ITGB8: variants seen among roughly 807,000 people sequenced by gnomAD.
ITGB8 encodes integrin subunit beta 8.
A neutral mutation model predicts 89.5 loss-of-function variants in ITGB8; 30 were observed. That is an observed-to-expected ratio of 0.34 (90% CI 0.25 to 0.45). ITGB8 has a LOEUF of 0.45. Among genes scored for constraint, ITGB8 ranks in the 20% least tolerant of loss-of-function variants. ITGB8 has a pLI of 1.00. For missense variants in ITGB8, 836 were observed against 933.3 expected, an observed-to-expected ratio of 0.90 and a Z score of 1.36; for synonymous variants, 335 against 320.4, an observed-to-expected ratio of 1.05 and a Z score of -0.49.
At chr7:20,375,912 G>C (rs1476358121) in intron 3 of ITGB8, among the ~76,000 whole-genome samples, 1 of 152,134 alleles carries the variant, frequency 6.6e-6, no homozygotes, top group African/African-American at 2.4e-5. Flanking sequence ...AACATGGCTT[G>C]TGCAAAATTA....
chr7:20,362,484 C>T (rs894902031), intron 1 of ITGB8, among the ~76,000 whole-genome samples: 2 of 152,142 alleles, frequency 1.3e-5, no homozygotes, highest in African/African-American at 4.8e-5. Flanking sequence ...GGGAGCAATC[C>T]TTAAATATGC....
intron 1 of ITGB8, among the ~76,000 whole-genome samples, chr7:20,341,319 A>G (rs2128127341): frequency 6.6e-6 from 1 of 152,312 alleles, no homozygotes; most frequent in Middle Eastern, 3.4e-3. Flanking sequence ...GGCAACACTG[A>G]GAAAAAAAAG....
intron 10 of ITGB8, among the ~76,000 whole-genome samples, chr7:20,403,296 G>C (rs943327016): frequency 1.4e-4 from 21 of 152,302 alleles, no homozygotes; most frequent in African/African-American, 5.1e-4. Flanking sequence ...TTACAGTGAA[G>C]AGAAAGAATT....
At chr7:20,366,203 C>T (rs1785689167) in intron 2 of ITGB8, 1 of 152,164 alleles carries the variant, frequency 6.6e-6, no homozygotes, top group African/African-American at 2.4e-5. Context: ...TTGAAGAATT[C>T]CCTTCCTCTC....
At position 20,350,660 on chromosome 7, in the gene ITGB8, A is replaced by C. The variant is rs1353587499; in HGVS notation, c.128-12977A>C. On this transcript the variant is annotated intron_variant, in intron 1 of 13. Coordinates refer to ENST00000222573, the MANE Select transcript of ITGB8 (RefSeq NM_002214.3). The stretch of plus-strand genomic sequence containing the variant: ...ATTTTTCCTACATCATCAACGAGGA[A>C]GCAAAGCCTCAGCAGTTAGTTTATG... Among the ~76,000 whole-genome samples, 4 of 152,238 alleles carry C rather than the reference A, an allele frequency of 2.6e-5. No homozygotes were observed. In the East Asian group the frequency reaches 7.7e-4, roughly 29 times the overall value.
chr7:20,397,332 T>C (rs1006442712), intron 8 of ITGB8, among the ~76,000 whole-genome samples: 20 of 152,306 alleles, frequency 1.3e-4, no homozygotes, highest in African/African-American at 4.8e-4. Context: ...GTTCAAGTGA[T>C]TGTCCTGCCT....
chr7:20,347,777 T>G (rs1322262492), intron 1 of ITGB8, among the ~76,000 whole-genome samples: 1 of 152,130 alleles, frequency 6.6e-6, no homozygotes, highest in African/African-American at 2.4e-5. Context: ...AATTTGGTGG[T>G]CATGTTCAAG....
chr7:20,367,161 A>G lies in ITGB8; in HGVS notation c.363A>G (p.Gly121=). The G allele has an allele frequency of 6.2e-7, 1 of 1,612,284 alleles. No individual in the cohort carries two copies. Among genetic ancestry groups the G allele is most frequent in the Non-Finnish European group, 8.5e-7 (1 of 1,178,682 alleles). The change falls in exon 3 of 14, where the codon GGA becomes GGG. Residue 121 remains glycine (G), a synonymous_variant. Coordinates refer to ENST00000222573, the MANE Select transcript of ITGB8 (RefSeq NM_002214.3). ...ENEINTQVTP[G]EVSIQLRPGA... ...AAATTAATACCCAGGTGACACCAGG[A>G]GAAGTGTCTATCCAGCTGCGTCCAG...
At chr7:20,344,821 G>A (rs1484727838) in intron 1 of ITGB8, among the ~76,000 whole-genome samples, 1 of 152,234 alleles carries the variant, frequency 6.6e-6, no homozygotes, top group Admixed American at 6.5e-5. Context: ...CAATGCAGGG[G>A]AGACACCCAT....
chr7:20,375,755 T>C (rs1786115794), intron 3 of ITGB8, among the ~76,000 whole-genome samples: 2 of 152,220 alleles, frequency 1.3e-5, no homozygotes, highest in African/African-American at 2.4e-5. Context: ...TATTAACCCA[T>C]GGTGCCTTGC....
chr7:20,350,734 T>C (rs951419218), intron 1 of ITGB8, among the ~76,000 whole-genome samples: 4 of 152,200 alleles, frequency 2.6e-5, no homozygotes, highest in Non-Finnish European at 5.9e-5. Flanking sequence ...CAAGTTGCCT[T>C]CTCCCCTGTT....
At chr7:20,334,852 T>C (rs1042287719) in intron 1 of ITGB8, among the ~76,000 whole-genome samples, 2 of 152,228 alleles carry the variant, frequency 1.3e-5, no homozygotes, top group African/African-American at 4.8e-5. Context: ...AAATAACTTC[T>C]TCTCTTGTTA....
chr7:20,404,186 G>T (rs1459615425), intron 10 of ITGB8, among the ~76,000 whole-genome samples: 1 of 152,218 alleles, frequency 6.6e-6, no homozygotes, highest in Non-Finnish European at 1.5e-5. Context: ...GTCCTGCAAA[G>T]TTATCCTAGG....
chr7:20,355,409 G>GT (rs1785258820), intron 1 of ITGB8, among the ~76,000 whole-genome samples: 1 of 152,156 alleles, frequency 6.6e-6, no homozygotes, highest in South Asian at 2.1e-4. Context: ...TAAAACAATT[G>GT]TTTTTTCTTG....
At chr7:20,371,582 G>A (rs1355871244) in intron 3 of ITGB8, among the ~76,000 whole-genome samples, 1 of 152,026 alleles carries the variant, frequency 6.6e-6, no homozygotes, top group Non-Finnish European at 1.5e-5. Context: ...ACGAATAAAT[G>A]GAGAAGAATT....
rs760919892 is a variant in ITGB8 at position 20,401,838 on chromosome 7, T to G, written c.1399T>G (p.Cys467Gly). The G allele has an allele frequency of 3.6e-5, 58 of 1,613,896 alleles. No homozygotes were observed. The highest frequency in any genetic ancestry group is 4.8e-5 in the Non-Finnish European group (57 of 1,180,004). Reference sequence around the variant, plus strand: ...CGCTAAAATTCATATACACAGAAACTGCAGCTGTCAGTGTGAGGACAACAG... The same window carrying G: ...CGCTAAAATTCATATACACAGAAACGGCAGCTGTCAGTGTGAGGACAACAG... ...ETAKIHIHRN[C>G]SCQCEDNRGP... is the part of the protein sequence containing the mutation. Residue 467 changes from cysteine (C) to glycine (G), a missense_variant, in exon 10 of 14, where the codon TGC becomes GGC. Physicochemically the swap from Cys to Gly is radical, Grantham distance 159 (BLOSUM62 -3). Around this residue, in one of 5 missense-constraint regions of ITGB8, gnomAD observed 422 missense variants for 416.9 expected, o/e 1.01. Coordinates refer to ENST00000222573, the MANE Select transcript of ITGB8 (RefSeq NM_002214.3).
At chr7:20,337,002 T>A (rs537811069) in intron 1 of ITGB8, among the ~76,000 whole-genome samples, 30 of 152,332 alleles carry the variant, frequency 2.0e-4, no homozygotes, top group African/African-American at 7.0e-4. Flanking sequence ...GGACACTTGT[T>A]TCTGTTTTCC....
chr7:20,373,488 T>G (rs1170608423), intron 3 of ITGB8, among the ~76,000 whole-genome samples: 1 of 152,220 alleles, frequency 6.6e-6, no homozygotes, highest in Non-Finnish European at 1.5e-5. Context: ...GTTTCAAACT[T>G]GGTTCGTTTT....
chr7:20,356,143 T>A (rs191893937), intron 1 of ITGB8, among the ~76,000 whole-genome samples: 25 of 152,328 alleles, frequency 1.6e-4, no homozygotes, highest in Admixed American at 1.4e-3. Flanking sequence ...AACATTTAAC[T>A]GACTTTTGTT....
Sources: allele counts gnomAD v4.1 joint callset (sites outside exome capture counted in the v4.1 genomes callset), GRCh38; gene constraint gnomAD v4.1.1; regional missense constraint gnomAD v4.1.1; transcripts MANE v1.5; gene names NCBI Gene and HGNC (gene_info 2026-07-23, HGNC 2026-07-21).